Variants in MALRD1 observed in about 807,000 individuals in gnomAD.
The protein encoded by MALRD1 is MAM and LDL-receptor class A domain-containing protein 1.
In MALRD1, 247 loss-of-function variants were observed where a neutral mutation model predicts 242.1. The observed-to-expected ratio is 1.02, with a 90% CI of 0.92 to 1.13. The LOEUF (loss-of-function observed/expected upper bound fraction) is 1.13. Ranked by LOEUF, MALRD1 falls within the 50% of genes most tolerant of loss-of-function variation. MALRD1 has a pLI of 0.00. For missense variants in MALRD1, 2,989 were observed against 2,533.1 expected, an observed-to-expected ratio of 1.18 and a Z score of -3.86; for synonymous variants, 995 against 866.6, an observed-to-expected ratio of 1.15 and a Z score of -2.60.
At chr10:19,672,458 C>G (rs891498198) in intron 36 of MALRD1, among the ~76,000 whole-genome samples, 1 of 141,482 alleles carries the variant, frequency 7.1e-6, no homozygotes, top group Non-Finnish European at 1.5e-5. Context: ...CAGTCTCTCT[C>G]TCTCACCTAG....
At chr10:19,162,042 C>CA (rs1813673476) in intron 12 of MALRD1, among the ~76,000 whole-genome samples, 1 of 106,880 alleles carries the variant, frequency 9.4e-6, no homozygotes, top group Non-Finnish European at 2.0e-5. Context: ...ACAACAACAA[C>CA]AGCAACAACA....
chr10:19,133,248 A>T (rs974206110), intron 8 of MALRD1, among the ~76,000 whole-genome samples: 4 of 152,222 alleles, frequency 2.6e-5, no homozygotes, highest in African/African-American at 4.8e-5. Flanking sequence ...TTGCAATCTG[A>T]AAAATGATCA....
chr10:19,359,702 A>G (rs760291311), intron 26 of MALRD1, among the ~76,000 whole-genome samples: 1 of 152,098 alleles, frequency 6.6e-6, no homozygotes, highest in Non-Finnish European at 1.5e-5. Context: ...ACGAGGTAGG[A>G]GAACATAAAA....
intron 36 of MALRD1, among the ~76,000 whole-genome samples, chr10:19,653,754 C>T (rs949543607): frequency 1.3e-5 from 2 of 152,078 alleles, no homozygotes; most frequent in African/African-American, 4.8e-5. Context: ...AAATAGTCTA[C>T]GTAAATTTCA....
chr10:19,618,552 A>G (rs1484984565), intron 36 of MALRD1, among the ~76,000 whole-genome samples: 1 of 151,890 alleles, frequency 6.6e-6, no homozygotes, highest in East Asian at 1.9e-4. Flanking sequence ...GTATGTCACT[A>G]TGGTTTTGAC....
chr10:19,143,884 G>A (rs1348532262), intron 10 of MALRD1, among the ~76,000 whole-genome samples: 1 of 152,160 alleles, frequency 6.6e-6, no homozygotes, highest in Non-Finnish European at 1.5e-5. Context: ...AAATGCCCAG[G>A]GAGAAAGTCA....
chr10:19,315,614 T>G (rs1239936661), intron 21 of MALRD1, among the ~76,000 whole-genome samples: 1 of 106,228 alleles, frequency 9.4e-6, no homozygotes, highest in African/African-American at 3.8e-5. Flanking sequence ...TTATAAATAT[T>G]TATATAAATT....
chr10:19,521,493 G>C (rs1275577418), intron 31 of MALRD1, among the ~76,000 whole-genome samples: 1 of 151,944 alleles, frequency 6.6e-6, no homozygotes. Context: ...TGCACTTTGT[G>C]TCCTCCCCCT....
chr10:19,375,913 A>C (rs1490748776), intron 26 of MALRD1, among the ~76,000 whole-genome samples: 1 of 152,150 alleles, frequency 6.6e-6, no homozygotes, highest in South Asian at 2.1e-4. Flanking sequence ...CACAAGGTCA[A>C]CAGATCGAGA....
intron 21 of MALRD1, among the ~76,000 whole-genome samples, chr10:19,291,155 A>AC (rs2131919915): frequency 6.6e-6 from 1 of 152,304 alleles, no homozygotes; most frequent in Admixed American, 6.5e-5. Context: ...TAATATTAAC[A>AC]CTTTTTTTAG....
chr10:19,602,918 G>T lies in MALRD1; in HGVS notation c.5945-4859G>T, dbSNP rs561277664. Among the ~76,000 whole-genome samples, 7 of 152,200 alleles carry T rather than the reference G, an allele frequency of 4.6e-5. No individual in the cohort carries two copies. The South Asian group carries it at 1.0e-3, about 23-fold the overall frequency. ...TGGTGTGAGATGGTATCTCATTGTG[G>T]TTTTGATTTGCATTTCTCTGATGGC... is the stretch of plus-strand genomic sequence containing the variant. On this transcript the variant is annotated intron_variant, in intron 34 of 39. Coordinates refer to ENST00000454679, the MANE Select transcript of MALRD1 (RefSeq NM_001142308.3).
intron 24 of MALRD1, among the ~76,000 whole-genome samples, chr10:19,341,864 G>T (rs960211920): frequency 6.6e-6 from 1 of 151,974 alleles, no homozygotes; most frequent in African/African-American, 2.4e-5. Context: ...TAACAGTGTC[G>T]TTTGGGTTCT....
At chr10:19,264,424 C>G (rs1839889600) in intron 19 of MALRD1, among the ~76,000 whole-genome samples, 1 of 151,034 alleles carries the variant, frequency 6.6e-6, no homozygotes, top group Non-Finnish European at 1.5e-5. Context: ...GGCTTGGAAT[C>G]AGGCTGAATT....
At chr10:19,508,568 T>C (rs1025857996) in intron 31 of MALRD1, among the ~76,000 whole-genome samples, 2 of 152,192 alleles carry the variant, frequency 1.3e-5, no homozygotes, top group Non-Finnish European at 2.9e-5. Flanking sequence ...GAAATGTGGC[T>C]AGTCAAAATT....
At chr10:19,234,255 A>G (rs1245870019) in intron 18 of MALRD1, among the ~76,000 whole-genome samples, 1 of 152,008 alleles carries the variant, frequency 6.6e-6, no homozygotes, top group Non-Finnish European at 1.5e-5. Flanking sequence ...AATTAGTTGA[A>G]CTCTATAAGG....
At chr10:19,668,801 A>C (rs1249867856) in intron 36 of MALRD1, among the ~76,000 whole-genome samples, 1 of 151,830 alleles carries the variant, frequency 6.6e-6, no homozygotes, top group African/African-American at 2.4e-5. Flanking sequence ...GGAAAGGAAA[A>C]TATGGAAAAA....
chr10:19,136,008 A>T (rs1252266761), intron 9 of MALRD1, among the ~76,000 whole-genome samples: 2 of 152,216 alleles, frequency 1.3e-5, no homozygotes, highest in Non-Finnish European at 1.5e-5. Context: ...TTACTCTTTT[A>T]TGTAAGTTGA....
At chr10:19,344,825 G>A (rs1844038679) in intron 24 of MALRD1, among the ~76,000 whole-genome samples, 2 of 151,730 alleles carry the variant, frequency 1.3e-5, no homozygotes, top group Non-Finnish European at 2.9e-5. Flanking sequence ...AGCATTTCGT[G>A]GTTTTCAGCC....
chr10:19,156,500 C>A (rs1834153770), intron 12 of MALRD1, among the ~76,000 whole-genome samples: 1 of 144,006 alleles, frequency 6.9e-6, no homozygotes, highest in Non-Finnish European at 1.5e-5. Flanking sequence ...TCCAGAAGCA[C>A]TTATTCTTTG....
Sources: allele counts gnomAD v4.1 joint callset (sites outside exome capture counted in the v4.1 genomes callset), GRCh38; gene constraint gnomAD v4.1.1; transcripts MANE v1.5; gene names NCBI Gene and HGNC (gene_info 2026-07-23, HGNC 2026-07-21).